DGKD: variants seen among roughly 807,000 people sequenced by gnomAD.
DGKD encodes DAG kinase delta.
Under a neutral mutation model 154.4 loss-of-function variants are expected in DGKD, and 68 were observed. The ratio of observed to expected loss-of-function variants is 0.44; its 90% CI spans 0.36 to 0.54. DGKD has a LOEUF of 0.54. Ranked by LOEUF, DGKD falls within the 20% of genes least tolerant of loss-of-function variation. DGKD has a pLI of 0.00. For synonymous variants in DGKD, 693 were observed against 638.0 expected (o/e 1.09, Z -1.30); for missense variants, 1,343 against 1,593.6 (o/e 0.84, Z 2.68).
chr2:233,457,566 A>G lies in DGKD; in HGVS notation c.2580+238A>G. The G allele has an allele frequency of 1.6e-6, 1 of 633,802 alleles. No homozygotes were observed. Among genetic ancestry groups the G allele is most frequent in the Non-Finnish European group, 2.9e-6 (1 of 340,216 alleles). 39.3% of individuals were successfully genotyped at this position (633,802 alleles called of 1,614,324 possible). A position where few individuals can be genotyped will look rare whatever the true frequency, so the allele number is the denominator to read the frequency against. ...GGGTCTGTGGTCAGCAGATGTGGTC[A>G]GCGGGTGTGACGTGGAAGGAGGGTC... is the stretch of plus-strand genomic sequence containing the variant. On this transcript the variant is annotated intron_variant, in intron 21 of 29. Coordinates refer to ENST00000264057, the MANE Select transcript of DGKD (RefSeq NM_152879.3). This position sits in a 1 kb window ranked among gnomAD's most constrained non-coding sequence, Gnocchi z 5.5.
Position 233,447,517 on chromosome 2 carries a change from T to TA in DGKD, c.1420-561dup, listed in dbSNP as rs35459218. Reference sequence around the variant, plus strand: ...GTACATTTTTTATTTTTCCTTTTTTTAAAAAAAAATTTTTTTTTTGAGAGG... The same window carrying TA: ...GTACATTTTTTATTTTTCCTTTTTTTAAAAAAAAAATTTTTTTTTTGAGAGG... On this transcript the variant is annotated intron_variant, in intron 12 of 29. Coordinates refer to ENST00000264057, the MANE Select transcript of DGKD (RefSeq NM_152879.3). 19 of 985,132 alleles carry TA rather than the reference T, an allele frequency of 1.9e-5. No homozygotes were observed. In the East Asian group the frequency reaches 7.9e-4, roughly 41 times the overall value. 61.0% of individuals were successfully genotyped at this position (985,132 alleles called of 1,614,324 possible).
chr2:233,362,709 G>A (rs191727652), intron 1 of DGKD, among the ~76,000 whole-genome samples: 2 of 152,238 alleles, frequency 1.3e-5, no homozygotes, highest in East Asian at 3.9e-4. Context: ...CAAATAACAG[G>A]TACCATGAAC....
chr2:233,469,357 C>G lies in DGKD; in HGVS notation c.3556-14C>G. The G allele has an allele frequency of 6.2e-7, 1 of 1,605,680 alleles. No homozygotes were observed. Among genetic ancestry groups the G allele is most frequent in the African/African-American group, 1.3e-5 (1 of 74,968 alleles). On this transcript the variant is annotated splice_polypyrimidine_tract_variant and intron_variant, in intron 29 of 29. Transcript: ENST00000264057. ...GTCTTCTCGGCATCCATGGCGGTGTCTTCTCTGTTGCAGGACCTGGGCGTG... is the reference window on the plus strand; with the variant it reads ...GTCTTCTCGGCATCCATGGCGGTGTGTTCTCTGTTGCAGGACCTGGGCGTG...
chr2:233,364,302 A>G (rs888166342), intron 1 of DGKD, among the ~76,000 whole-genome samples: 8 of 152,242 alleles, frequency 5.3e-5, no homozygotes, highest in African/African-American at 1.9e-4. Flanking sequence ...CCCACACTAA[A>G]GGAAACATTA....
At chr2:233,357,438 A>G (rs570427163) in intron 1 of DGKD, among the ~76,000 whole-genome samples, 1 of 152,242 alleles carries the variant, frequency 6.6e-6, no homozygotes, top group Admixed American at 6.5e-5. Flanking sequence ...TAATGTGCAG[A>G]CACATCTCCT....
At chr2:233,385,772 TCTG>T (rs1703137977) in intron 1 of DGKD, among the ~76,000 whole-genome samples, 1 of 152,368 alleles carries the variant, frequency 6.6e-6, no homozygotes. Flanking sequence ...TTAAAAATAT[TCTG>T]CAGCATATCT....
At position 233,440,312 on chromosome 2, in the gene DGKD, G is replaced by T. The variant is rs1263573495; in HGVS notation, c.1086-1575G>T. ...GTGTCAGTGTTCTGTGTGGAGCCTG[G>T]GCTTGGTGCCGCATCACCTATGCCT... On this transcript the variant is annotated intron_variant, in intron 9 of 29. Coordinates refer to ENST00000264057, the MANE Select transcript of DGKD (RefSeq NM_152879.3). The surrounding 1 kb of genome is among the most constrained non-coding windows in gnomAD (Gnocchi z 4.9). Among the ~76,000 whole-genome samples the T allele has an allele frequency of 6.6e-6, 1 of 152,120 alleles. No homozygotes were observed. Among genetic ancestry groups the T allele is most frequent in the African/African-American group, 2.4e-5 (1 of 41,414 alleles).
chr2:233,355,570 A>G (rs1264729454), intron 1 of DGKD, among the ~76,000 whole-genome samples: 1 of 152,160 alleles, frequency 6.6e-6, no homozygotes. Context: ...GATTAGGTTC[A>G]GCCGTTCCCT....
intron 1 of DGKD, chr2:233,380,082 G>A (rs1185756783): frequency 1.3e-5 from 2 of 152,234 alleles, no homozygotes; most frequent in Non-Finnish European, 2.9e-5. Context: ...AGCTGAAGAG[G>A]AGGGGCAGAA....
chr2:233,366,320 G>A (rs1039680226), intron 1 of DGKD, among the ~76,000 whole-genome samples: 3 of 152,186 alleles, frequency 2.0e-5, no homozygotes, highest in Non-Finnish European at 2.9e-5. Context: ...CCAATGCAGT[G>A]AAAGATGCTG....
At chr2:233,403,074 C>T (rs917132867) in intron 3 of DGKD, among the ~76,000 whole-genome samples, 1 of 152,012 alleles carries the variant, frequency 6.6e-6, no homozygotes, top group Non-Finnish European at 1.5e-5. Context: ...GGACGGGTCC[C>T]TTTTGCAGAG....
intron 3 of DGKD, among the ~76,000 whole-genome samples, chr2:233,400,037 G>C (rs2125479219): frequency 6.6e-6 from 1 of 152,320 alleles, no homozygotes; most frequent in East Asian, 1.9e-4. Context: ...ACAGTGACAT[G>C]ATCACAGCAC....
Position 233,464,300 on chromosome 2 carries a change from G to A in DGKD, c.3306+17G>A, listed in dbSNP as rs1177970175. ...GACGAAGAGGTATGTGGCTCATAGG[G>A]CTGTGCCTGGGTCTCCCGGACATGG... On this transcript the variant is annotated intron_variant, in intron 27 of 29. Transcript: ENST00000264057. The A allele has an allele frequency of 2.5e-6, 4 of 1,611,882 alleles. No individual in the cohort carries two copies. Among genetic ancestry groups the A allele is most frequent in the South Asian group, 2.2e-5 (2 of 91,058 alleles).
intron 23 of DGKD, 119 bp downstream of exon 23, chr2:233,460,010 GAC>G (rs2063574828): frequency 2.1e-6 from 3 of 1,442,790 alleles, no homozygotes; most frequent in South Asian, 3.0e-5. Flanking sequence ...TTTTTTTTAA[GAC>G]ACAATGATTA....
chr2:233,364,787 A>G (rs1445275613), intron 1 of DGKD, among the ~76,000 whole-genome samples: 2 of 152,230 alleles, frequency 1.3e-5, no homozygotes, highest in South Asian at 2.1e-4. Flanking sequence ...ATCACATTAA[A>G]TCTAGGTGGA....
chr2:233,423,809 C>T (rs2062200052), intron 3 of DGKD, among the ~76,000 whole-genome samples: 1 of 152,116 alleles, frequency 6.6e-6, no homozygotes, highest in South Asian at 2.1e-4. Context: ...GCTTTCCACC[C>T]ACCCCCCCAG....
chr2:233,436,212 T>C, intron 6 of DGKD, 104 bp from the exon 7 acceptor site: 1 of 1,559,244 alleles, frequency 6.4e-7, no homozygotes, highest in East Asian at 2.2e-5. Context: ...AAGGAGCTTG[T>C]TCTGGGAAGA....
chr2:233,390,014 C>T (rs1290220814), intron 2 of DGKD, among the ~76,000 whole-genome samples: 1 of 152,220 alleles, frequency 6.6e-6, no homozygotes, highest in African/African-American at 2.4e-5. Flanking sequence ...CAGTCCAGAC[C>T]CCGGCCTTCC....
rs1208030793 is a variant in DGKD at position 233,452,288 on chromosome 2, G to T, written c.2264+228G>T. On this transcript the variant is annotated intron_variant, in intron 18 of 29. Transcript: ENST00000264057. This position sits in a 1 kb window ranked among gnomAD's most constrained non-coding sequence, Gnocchi z 4.0. ...GCACGCCTCCCATCTCCTTCCCAAG[G>T]TCCCACGGTGCTTGCTTGACGTCCC... Among the ~76,000 whole-genome samples the T allele has an allele frequency of 6.6e-6, 1 of 152,164 alleles. No homozygotes were observed. Among genetic ancestry groups the T allele is most frequent in the African/African-American group, 2.4e-5 (1 of 41,440 alleles).
Sources: gnomAD v4.1 joint callset for allele counts (sites outside exome capture counted in the v4.1 genomes callset) on GRCh38, gnomAD v4.1.1 for gene constraint, Gnocchi (gnomAD v3.1) non-coding constraint, MANE v1.5 for transcripts, NCBI Gene and HGNC (gene_info 2026-07-23, HGNC 2026-07-21) for gene names.